ARB2A: variants seen among roughly 807,000 people sequenced by gnomAD.
The protein encoded by ARB2A is ARB2 cotranscriptional regulator A, also known as cotranscriptional regulator ARB2A.
the ARB2A span, among the ~76,000 whole-genome samples, chr5:93,848,386 T>C: frequency 7.0e-6 from 1 of 142,062 alleles, no homozygotes; most frequent in African/African-American, 2.7e-5. Flanking sequence ...TGTCTAAAGA[T>C]TAAAAAAAAA....
At chr5:93,899,502 T>A in the ARB2A span, among the ~76,000 whole-genome samples, 3 of 152,156 alleles carry the variant, frequency 2.0e-5, no homozygotes, top group African/African-American at 7.2e-5. Flanking sequence ...GAGTTGAATT[T>A]AAAAGTGGCT....
chr5:94,095,294 C>CA, the ARB2A span, among the ~76,000 whole-genome samples: 1 of 152,136 alleles, frequency 6.6e-6, no homozygotes, highest in Non-Finnish European at 1.5e-5. Flanking sequence ...CATTATCATC[C>CA]GTAAAGTGAG....
the ARB2A span, among the ~76,000 whole-genome samples, chr5:93,949,333 C>T: frequency 2.0e-5 from 3 of 151,946 alleles, no homozygotes; most frequent in Non-Finnish European, 2.9e-5. Context: ...GAGGCCGAGA[C>T]GGGCAGATGA....
At chr5:93,764,357 T>C in the ARB2A span, among the ~76,000 whole-genome samples, 4 of 152,036 alleles carry the variant, frequency 2.6e-5, no homozygotes, top group Non-Finnish European at 5.9e-5. Context: ...TAAAAAATGA[T>C]AAAGGGGATA....
chr5:93,670,168 C>T, the ARB2A span, among the ~76,000 whole-genome samples: 1 of 152,178 alleles, frequency 6.6e-6, no homozygotes, highest in South Asian at 2.1e-4. Flanking sequence ...TCCAAGTCAC[C>T]ATAATTGCCT....
At chr5:93,658,524 C>T in the ARB2A span, among the ~76,000 whole-genome samples, 2 of 151,926 alleles carry the variant, frequency 1.3e-5, no homozygotes, top group South Asian at 4.1e-4. Context: ...CTATGAGCTG[C>T]AGATTATGGT....
the ARB2A span, among the ~76,000 whole-genome samples, chr5:94,052,306 G>T: frequency 6.8e-4 from 103 of 152,112 alleles, no homozygotes; most frequent in Admixed American, 1.3e-3. Flanking sequence ...ACTTCTACTG[G>T]TATAAAATAA....
chr5:94,026,028 T>C, the ARB2A span, among the ~76,000 whole-genome samples: 1 of 152,118 alleles, frequency 6.6e-6, no homozygotes, highest in Non-Finnish European at 1.5e-5. Context: ...CTAGACCAGG[T>C]GTGTTGCAAG....
the ARB2A span, among the ~76,000 whole-genome samples, chr5:93,808,970 G>A: frequency 6.6e-6 from 1 of 151,898 alleles, no homozygotes; most frequent in African/African-American, 2.4e-5. Flanking sequence ...ATATCTATTA[G>A]TACATTTACT....
chr5:93,701,510 C>T, the ARB2A span, among the ~76,000 whole-genome samples: 1 of 151,972 alleles, frequency 6.6e-6, no homozygotes, highest in Admixed American at 6.6e-5. Flanking sequence ...TCACTCACCC[C>T]AAGCAATTTA....
chr5:94,025,628 T>C, the ARB2A span, among the ~76,000 whole-genome samples: 4 of 151,972 alleles, frequency 2.6e-5, no homozygotes, highest in Non-Finnish European at 2.9e-5. Context: ...TGGAGAAAAA[T>C]GTGATGCTAA....
the ARB2A span, among the ~76,000 whole-genome samples, chr5:93,633,118 GTCATCTTTGAT>G: frequency 1.3e-5 from 2 of 152,190 alleles, no homozygotes; most frequent in Admixed American, 1.3e-4. Context: ...CACAGCCTGA[GTCATCTTTGAT>G]TTTTCTCTCT....
At chr5:94,084,131 G>A in the ARB2A span, among the ~76,000 whole-genome samples, 8 of 151,540 alleles carry the variant, frequency 5.3e-5, no homozygotes, top group South Asian at 6.2e-4. Flanking sequence ...AAAATTAGCC[G>A]GGCATGGTGG....
the ARB2A span, among the ~76,000 whole-genome samples, chr5:93,822,745 CTT>C: frequency 6.6e-6 from 1 of 151,774 alleles, no homozygotes. Context: ...AAAGAGCTAT[CTT>C]AAGATATCTA....
At chr5:93,922,264 A>C in the ARB2A span, among the ~76,000 whole-genome samples, 2 of 152,016 alleles carry the variant, frequency 1.3e-5, no homozygotes, top group African/African-American at 2.4e-5. Flanking sequence ...GGAAATAATA[A>C]AGGAGATTGT....
At chr5:94,070,287 AT>A in the ARB2A span, among the ~76,000 whole-genome samples, 1 of 152,130 alleles carries the variant, frequency 6.6e-6, no homozygotes, top group Admixed American at 6.5e-5. Flanking sequence ...AGTTGATCTC[AT>A]GGAAGTAGGG....
the ARB2A span, among the ~76,000 whole-genome samples, chr5:93,906,230 T>A: frequency 6.6e-6 from 1 of 151,514 alleles, no homozygotes; most frequent in African/African-American, 2.4e-5. Context: ...GCTTTTGACA[T>A]ACATTTTGCA....
At chr5:93,650,965 C>T in the ARB2A span, among the ~76,000 whole-genome samples, 2 of 152,010 alleles carry the variant, frequency 1.3e-5, no homozygotes, top group Non-Finnish European at 2.9e-5. Context: ...GCACTCTAGC[C>T]TTGGTTTCAG....
the ARB2A span, among the ~76,000 whole-genome samples, chr5:93,707,413 TTA>T: frequency 6.6e-6 from 1 of 152,116 alleles, no homozygotes. Context: ...ACAATAATCA[TTA>T]TGTTACACTT....
Sources: allele counts gnomAD v4.1 joint callset (sites outside exome capture counted in the v4.1 genomes callset), GRCh38; gene constraint gnomAD v4.1.1; transcripts MANE v1.5; gene names NCBI Gene and HGNC (gene_info 2026-07-23, HGNC 2026-07-21).